GRIK1: variants seen among roughly 807,000 people sequenced by gnomAD.
GRIK1 encodes the protein glutamate receptor ionotropic, kainate 1.
GRIK1 carries 69 observed loss-of-function variants against 105.7 expected under a neutral mutation model. That is an observed-to-expected ratio of 0.65 (90% CI 0.54 to 0.80). The LOEUF is 0.80. Among genes scored for constraint, GRIK1 ranks in the 30% least tolerant of loss-of-function variants. The probability of loss-of-function intolerance (pLI) is 0.00; values close to 1 mark genes in which losing one functional copy is unlikely to be tolerated. For synonymous variants in GRIK1, 438 were observed against 431.3 expected (o/e 1.02, Z -0.19); for missense variants, 1,109 against 1,167.3 (o/e 0.95, Z 0.73).
chr21:29,610,270 C>T lies in GRIK1; in HGVS notation c.1099-11333G>A, dbSNP rs1016315542. On this transcript the variant is annotated intron_variant, in intron 7 of 17. Coordinates refer to ENST00000327783, the MANE Select transcript of GRIK1 (RefSeq NM_001330994.2). ...GGTGAATAAATGTCATGCTTTTCCC[C>T]ATTGTCCATGTTCTAATCACTGGAA... is the stretch of plus-strand genomic sequence containing the variant. Among the ~76,000 whole-genome samples the T allele has an allele frequency of 2.6e-5, 4 of 152,158 alleles. No homozygotes were observed. The East Asian group carries it at 5.8e-4, about 22-fold the overall frequency.
intron 3 of GRIK1, among the ~76,000 whole-genome samples, chr21:29,678,745 G>T (rs966939354): frequency 2.6e-5 from 4 of 152,186 alleles, no homozygotes; most frequent in African/African-American, 9.7e-5. Context: ...GCACATAGCA[G>T]AAGAGTTTTA....
At chr21:29,555,477 A>T (rs963565196) in intron 15 of GRIK1, among the ~76,000 whole-genome samples, 175 bp from the exon 16 acceptor site, 2 of 152,270 alleles carry the variant, frequency 1.3e-5, no homozygotes, top group East Asian at 3.9e-4. Flanking sequence ...GCACTATATA[A>T]TTGGAAAGAA....
At chr21:29,869,074 A>C (rs1163684931) in intron 1 of GRIK1, among the ~76,000 whole-genome samples, 2 of 152,240 alleles carry the variant, frequency 1.3e-5, no homozygotes, top group African/African-American at 4.8e-5. Flanking sequence ...TTTCAAGGGA[A>C]AACATTGACG....
intron 1 of GRIK1, 132 bp downstream of exon 1, chr21:29,939,251 G>A (rs2071884823): frequency 3.3e-6 from 2 of 609,068 alleles, no homozygotes; most frequent in Non-Finnish European, 5.8e-6. Context: ...AGCCTCCCAT[G>A]AGCACTGACC....
chr21:29,834,479 A>AC (rs2067726145), intron 1 of GRIK1, among the ~76,000 whole-genome samples: 1 of 150,652 alleles, frequency 6.6e-6, no homozygotes, highest in South Asian at 2.1e-4. Flanking sequence ...TGCTTCCTTC[A>AC]CCCCCCACTT....
At chr21:29,595,309 C>T (rs937259303) in intron 9 of GRIK1, among the ~76,000 whole-genome samples, 3 of 150,892 alleles carry the variant, frequency 2.0e-5, no homozygotes, top group Non-Finnish European at 2.9e-5. Flanking sequence ...ATTCAAAGTG[C>T]CCAGAGTCTC....
chr21:29,847,991 C>T (rs957283782), intron 1 of GRIK1, among the ~76,000 whole-genome samples: 1 of 151,832 alleles, frequency 6.6e-6, no homozygotes, highest in African/African-American at 2.4e-5. Flanking sequence ...CTTTACTTAG[C>T]CTTAATTAAC....
intron 1 of GRIK1, among the ~76,000 whole-genome samples, chr21:29,816,764 A>T (rs1309995179): frequency 6.6e-6 from 1 of 152,140 alleles, no homozygotes; most frequent in African/African-American, 2.4e-5. Flanking sequence ...CAAAGAGAGT[A>T]GAATGAGAGT....
intron 7 of GRIK1, among the ~76,000 whole-genome samples, chr21:29,600,971 C>T (rs1160087219): frequency 6.6e-6 from 1 of 152,170 alleles, no homozygotes; most frequent in African/African-American, 2.4e-5. Flanking sequence ...TAGTCTAAAC[C>T]TTGACTTTAC....
In GRIK1 at chr21:29,587,482, C is replaced by A. The variant is rs768136603; in HGVS notation, c.1677G>T (p.Lys559Asn). 2.5e-6 allele frequency: 4 copies of A among 1,613,192 alleles called. No individual in the cohort carries two copies. In the South Asian group the frequency reaches 3.3e-5, roughly 13 times the overall value. ...MTLGISILYR[K>N]PNGTNPGVFS... is the part of the protein sequence containing the mutation. The stretch of plus-strand genomic sequence containing the variant: ...AAACGCCTGGATTGGTACCATTGGG[C>A]TTCCGGTAGAGAATGCTGATGCCTA... The change falls in exon 12 of 18, where the codon AAG becomes AAT. Residue 559 changes from lysine to asparagine, a missense_variant. Transcript: ENST00000327783.
At chr21:29,675,214 A>G (rs2063242626) in intron 3 of GRIK1, among the ~76,000 whole-genome samples, 1 of 152,164 alleles carries the variant, frequency 6.6e-6, no homozygotes, top group South Asian at 2.1e-4. Context: ...TAATCTTTTG[A>G]CGTCACCATC....
intron 1 of GRIK1, among the ~76,000 whole-genome samples, chr21:29,736,302 C>A (rs1295426376): frequency 2.0e-5 from 3 of 152,192 alleles, no homozygotes; most frequent in Non-Finnish European, 4.4e-5. Flanking sequence ...TCACAGCAGC[C>A]TCCACTCAAC....
intron 1 of GRIK1, among the ~76,000 whole-genome samples, chr21:29,792,651 G>A (rs2066450557): frequency 6.6e-6 from 1 of 152,176 alleles, no homozygotes; most frequent in South Asian, 2.1e-4. Flanking sequence ...AATTAAATAT[G>A]CCTGCTCTGA....
At chr21:29,651,825 C>T (rs1471534190) in intron 5 of GRIK1, among the ~76,000 whole-genome samples, 1 of 151,498 alleles carries the variant, frequency 6.6e-6, no homozygotes, top group Non-Finnish European at 1.5e-5. Context: ...TTGGAGGTCT[C>T]AGAACATATA....
chr21:29,576,890 T>G (rs757766117), intron 14 of GRIK1, 74 bp downstream of exon 14: 14 of 837,490 alleles, frequency 1.7e-5, no homozygotes, highest in Non-Finnish European at 2.4e-5. Flanking sequence ...TTTTTCTTTT[T>G]TTTTTCGACA....
At chr21:29,862,994 T>C (rs957157296) in intron 1 of GRIK1, among the ~76,000 whole-genome samples, 13 of 152,230 alleles carry the variant, frequency 8.5e-5, no homozygotes, top group African/African-American at 3.1e-4. Flanking sequence ...GATTCTGATT[T>C]CTCTGAGTTT....
intron 5 of GRIK1, among the ~76,000 whole-genome samples, 162 bp downstream of exon 5, chr21:29,654,648 A>AAAGC (rs34962673): frequency 2.1e-5 from 1 of 47,382 alleles, no homozygotes; most frequent in Non-Finnish European, 3.5e-5. Flanking sequence ...AGAAAGAAAA[A>AAAGC]AAGCCTGCTG....
At chr21:29,763,876 A>G (rs962714297) in intron 1 of GRIK1, 1 of 152,268 alleles carries the variant, frequency 6.6e-6, no homozygotes, top group South Asian at 2.1e-4. Context: ...TCACTCTGGC[A>G]TACTCTCTCA....
intron 1 of GRIK1, among the ~76,000 whole-genome samples, chr21:29,894,448 G>T (rs757637128): frequency 1.7e-4 from 26 of 152,102 alleles, no homozygotes; most frequent in Non-Finnish European, 3.2e-4. Flanking sequence ...AAGGATGAAG[G>T]CCAGAAGACT....
Sources: gnomAD v4.1 joint callset for allele counts (sites outside exome capture counted in the v4.1 genomes callset) on GRCh38, gnomAD v4.1.1 for gene constraint, MANE v1.5 for transcripts, NCBI Gene and HGNC (gene_info 2026-07-23, HGNC 2026-07-21) for gene names.